Variants in GPR89A observed in about 807,000 individuals in gnomAD.
GPR89A encodes G protein-coupled receptor 89A.
GPR89A carries 16 observed loss-of-function variants against 52.0 expected under a neutral mutation model. That is an observed-to-expected ratio of 0.31 (90% confidence interval 0.21 to 0.47). The LOEUF (loss-of-function observed/expected upper bound fraction) is 0.47, where lower values mean the gene tolerates loss of function less well. Among genes scored for constraint, GPR89A ranks in the 20% least tolerant of loss-of-function variants. The pLI is 1.00. For missense variants in GPR89A, 135 were observed against 449.4 expected (o/e 0.30, Z 6.33); for synonymous variants, 55 against 150.9 (o/e 0.36, Z 4.66).
At chr1:145,639,003 A>G (rs1553691265) in intron 7 of GPR89A, among the ~76,000 whole-genome samples, 1 of 150,358 alleles carries the variant, frequency 6.7e-6, no homozygotes, top group Non-Finnish European at 1.5e-5. Context: ...ATAAGCTAGC[A>G]ACGGACATAT....
chr1:145,660,248 T>C (rs1456448306), intron 10 of GPR89A, among the ~76,000 whole-genome samples: 1 of 152,158 alleles, frequency 6.6e-6, no homozygotes, highest in Non-Finnish European at 1.5e-5. Context: ...TGGCTAGCCA[T>C]ATGTAGAAAG....
At position 145,608,040 on chromosome 1, in the gene GPR89A, G is replaced by C. The variant is rs1428486141; in HGVS notation, c.-94G>C. The C allele has an allele frequency of 6.7e-7, 1 of 1,491,184 alleles. No individual in the cohort carries two copies. The highest frequency in any genetic ancestry group is 1.4e-5 in the African/African-American group (1 of 70,838). 92.4% of individuals were successfully genotyped at this position (1,491,184 alleles called of 1,614,324 possible). On this transcript the variant is annotated 5_prime_UTR_variant, in exon 1 of 14. Transcript: ENST00000313835. ...CCGCAGTCCCGGCTGCAGCACCTGG[G>C]AGAAGGCAGACCGTGTGAGGGGGCC...
intron 1 of GPR89A, among the ~76,000 whole-genome samples, chr1:145,613,047 T>A (rs1648414935): frequency 6.6e-6 from 1 of 151,766 alleles, no homozygotes; most frequent in Non-Finnish European, 1.5e-5. Flanking sequence ...TGTACTTTGG[T>A]GGTTTCAACT....
chr1:145,608,560 G>T, intron 1 of GPR89A: 1 of 593,972 alleles, frequency 1.7e-6, no homozygotes, highest in Non-Finnish European at 2.6e-6. Context: ...TGGGCGCGCG[G>T]TGTGCGACGC....
At chr1:145,657,221 C>G (rs1224143402) in intron 10 of GPR89A, among the ~76,000 whole-genome samples, 1 of 148,062 alleles carries the variant, frequency 6.8e-6, no homozygotes, top group Non-Finnish European at 1.5e-5. Flanking sequence ...TAGCAAGACC[C>G]CATCTCAGCA....
At chr1:145,664,745 GT>G (rs1553696168) in intron 11 of GPR89A, among the ~76,000 whole-genome samples, 1 of 147,788 alleles carries the variant, frequency 6.8e-6, no homozygotes, top group Admixed American at 7.1e-5. Context: ...TTGCTTTTCT[GT>G]ACTTTCTGAG....
intron 10 of GPR89A, among the ~76,000 whole-genome samples, chr1:145,651,371 T>TA (rs1442419287): frequency 1.3e-5 from 2 of 152,084 alleles, no homozygotes; most frequent in African/African-American, 4.8e-5. Context: ...TTTGTACCAG[T>TA]ACCATGCTGT....
At chr1:145,623,409 C>A (rs1553688488) in intron 4 of GPR89A, among the ~76,000 whole-genome samples, 1 of 152,118 alleles carries the variant, frequency 6.6e-6, no homozygotes, top group African/African-American at 2.4e-5. Flanking sequence ...ATAATGTCTC[C>A]TTTAGTTCAT....
chr1:145,652,441 A>G (rs1235583616), intron 10 of GPR89A, among the ~76,000 whole-genome samples: 3 of 143,476 alleles, frequency 2.1e-5, no homozygotes, highest in Non-Finnish European at 4.6e-5. Context: ...CTTCAGGGAT[A>G]TTGGCCTGAA....
chr1:145,620,941 A>G (rs1305306987), intron 3 of GPR89A, among the ~76,000 whole-genome samples: 3 of 152,218 alleles, frequency 2.0e-5, no homozygotes, highest in Non-Finnish European at 4.4e-5. Flanking sequence ...TGCTTCCCAA[A>G]ATCTTTCAGA....
intron 7 of GPR89A, among the ~76,000 whole-genome samples, chr1:145,642,674 C>T (rs1650731602): frequency 6.6e-6 from 1 of 152,028 alleles, no homozygotes; most frequent in Admixed American, 6.6e-5. Context: ...CTGCTGCTTG[C>T]TCTTCACCAT....
chr1:145,616,136 A>G (rs587623225), intron 1 of GPR89A, 98 bp from the exon 2 acceptor site: 2 of 716,476 alleles, frequency 2.8e-6, no homozygotes, highest in South Asian at 3.5e-5. Context: ...GAAATAAGTT[A>G]ACCGTCTAGT....
chr1:145,654,291 T>C (rs1280650437), intron 10 of GPR89A, among the ~76,000 whole-genome samples: 43 of 151,630 alleles, frequency 2.8e-4, no homozygotes, highest in African/African-American at 8.5e-4. Context: ...TGGTGGCTCA[T>C]GCCGGTAATC....
intron 10 of GPR89A, among the ~76,000 whole-genome samples, chr1:145,650,332 A>G (rs1230911373): frequency 6.6e-6 from 1 of 150,762 alleles, no homozygotes; most frequent in Non-Finnish European, 1.5e-5. Flanking sequence ...TTTTTATGGC[A>G]GTATAGTATT....
chr1:145,637,108 C>T (rs1329316211), intron 7 of GPR89A, among the ~76,000 whole-genome samples: 1 of 152,088 alleles, frequency 6.6e-6, no homozygotes, highest in Non-Finnish European at 1.5e-5. Flanking sequence ...ATATACTGAA[C>T]TGCTTCTTGG....
intron 1 of GPR89A, 22 bp downstream of exon 1, chr1:145,608,197 C>T: frequency 6.2e-7 from 1 of 1,613,848 alleles, no homozygotes; most frequent in Admixed American, 1.7e-5. Flanking sequence ...CCTCCCGCCC[C>T]GACACCCGTC....
At chr1:145,628,588 C>G (rs1649668300) in intron 5 of GPR89A, among the ~76,000 whole-genome samples, 1 of 151,720 alleles carries the variant, frequency 6.6e-6, no homozygotes, top group Admixed American at 6.6e-5. Context: ...ATTTCTTCAT[C>G]TGTAAAATTA....
At chr1:145,641,413 C>G (rs1189930020) in intron 7 of GPR89A, among the ~76,000 whole-genome samples, 1 of 151,514 alleles carries the variant, frequency 6.6e-6, no homozygotes, top group East Asian at 1.9e-4. Flanking sequence ...ATGGAAATGT[C>G]CCGTATTGTG....
chr1:145,649,511 G>A (rs1292496251), intron 10 of GPR89A, among the ~76,000 whole-genome samples: 4 of 149,776 alleles, frequency 2.7e-5, no homozygotes, highest in Non-Finnish European at 6.0e-5. Context: ...TAGTGTTTCC[G>A]TGGTTTGGAC....
Sources: allele counts gnomAD v4.1 joint callset (sites outside exome capture counted in the v4.1 genomes callset), GRCh38; gene constraint gnomAD v4.1.1; transcripts MANE v1.5; gene names NCBI Gene and HGNC (gene_info 2026-07-23, HGNC 2026-07-21).